Variants in EGFR observed in about 807,000 individuals in gnomAD.
EGFR encodes epidermal growth factor receptor.
A neutral mutation model predicts 143.0 loss-of-function variants in EGFR; 58 were observed. The ratio of observed to expected loss-of-function variants is 0.41; its 90% CI spans 0.33 to 0.50. EGFR has a LOEUF of 0.50. EGFR is among the 20% of genes least tolerant of loss of function. The pLI, the probability that EGFR is intolerant of heterozygous loss-of-function variation, is 0.39. For synonymous variants in EGFR, 613 were observed against 594.4 expected (o/e 1.03, Z -0.45); for missense variants, 1,307 against 1,579.0 (o/e 0.83, Z 2.92).
rs549535664 is a variant in EGFR, at chr7:55,057,999, G to GT, written c.88+38635dup. The stretch of plus-strand genomic sequence containing the variant: ...CCGAAACAAGAGCTGCTTTAATGTA[G>GT]TATATTTAAAATCATATCTCAATTA... On this transcript the variant is annotated intron_variant, in intron 1 of 27. Transcript: ENST00000275493. Among the ~76,000 whole-genome samples the GT allele has an allele frequency of 3.2e-3, 495 of 152,326 alleles. 3 individuals carry two copies. The highest frequency in any genetic ancestry group is 0.011 in the African/African-American group (469 of 41,560).
chr7:55,157,016 G>C lies in EGFR; in HGVS notation c.1207+184G>C. On this transcript the variant is annotated intron_variant, in intron 10 of 27. Transcript: ENST00000275493. The stretch of plus-strand genomic sequence containing the variant: ...CTGCAGGCAAAAGGGGACACGTTAA[G>C]TCCAGGCTTGGGTCATTCACTGCGG... 3 of 1,427,092 alleles carry C rather than the reference G, an allele frequency of 2.1e-6. No individual in the cohort carries two copies. The South Asian group carries it at 4.2e-5, about 20-fold the overall frequency. 88.4% of individuals were successfully genotyped at this position (1,427,092 alleles called of 1,614,324 possible).
At chr7:55,149,235 G>A (rs1794911357) in intron 4 of EGFR, among the ~76,000 whole-genome samples, 1 of 152,030 alleles carries the variant, frequency 6.6e-6, no homozygotes, top group African/African-American at 2.4e-5. Context: ...CATGAAGAGG[G>A]TTAATATCCT....
At chr7:55,172,828 T>C (rs1189024214) in intron 16 of EGFR, 155 bp from the exon 17 acceptor site, 1 of 1,560,710 alleles carries the variant, frequency 6.4e-7, no homozygotes, top group Non-Finnish European at 8.6e-7. Flanking sequence ...CTTAGAAGCC[T>C]GTTTTTTCTC....
intron 1 of EGFR, among the ~76,000 whole-genome samples, chr7:55,103,279 A>C (rs1024761051): frequency 3.9e-5 from 6 of 152,168 alleles, no homozygotes; most frequent in African/African-American, 1.4e-4. Flanking sequence ...TCTCTGAGCA[A>C]ATCTGAATTG....
intron 1 of EGFR, among the ~76,000 whole-genome samples, chr7:55,087,791 G>A (rs1320266671): frequency 6.6e-6 from 1 of 152,162 alleles, no homozygotes; most frequent in Non-Finnish European, 1.5e-5. Flanking sequence ...AGGCCTACAG[G>A]AACCTGAGCA....
intron 1 of EGFR, among the ~76,000 whole-genome samples, chr7:55,095,249 G>T (rs543908577): frequency 6.6e-6 from 1 of 152,182 alleles, no homozygotes; most frequent in African/African-American, 2.4e-5. Flanking sequence ...TCCACCATGT[G>T]ACATTCAAAA....
At chr7:55,198,292 A>G (rs897017566) in intron 22 of EGFR, among the ~76,000 whole-genome samples, 6 of 152,200 alleles carry the variant, frequency 3.9e-5, no homozygotes. Flanking sequence ...TGTGCAGTTT[A>G]CAGCCCTGTT....
chr7:55,020,167 C>T (rs1044298579), intron 1 of EGFR, among the ~76,000 whole-genome samples: 1 of 152,242 alleles, frequency 6.6e-6, no homozygotes, highest in Non-Finnish European at 1.5e-5. Flanking sequence ...ACCCCGGCCG[C>T]TCGCCTCGCC....
chr7:55,116,395 G>A (rs1792845346), intron 1 of EGFR, among the ~76,000 whole-genome samples: 1 of 152,172 alleles, frequency 6.6e-6, no homozygotes, highest in African/African-American at 2.4e-5. Flanking sequence ...ACTCCTAAGA[G>A]CCTCACCACA....
In EGFR at chr7:55,181,417, G is replaced by A. The variant is rs1263602634; in HGVS notation, c.2408G>A (p.Arg803Gln). The A allele has an allele frequency of 6.8e-6, 11 of 1,614,094 alleles. No individual in the cohort carries two copies. The highest frequency in any genetic ancestry group is 9.3e-6 in the Non-Finnish European group (11 of 1,180,038). ...TTCGGCTGCCTCCTGGACTATGTCC[G>A]GGAACACAAAGACAATATTGGCTCC... Reference protein sequence around the residue: ...MPFGCLLDYVREHKDNIGSQY... With the variant: ...MPFGCLLDYVQEHKDNIGSQY... Residue 803 changes from arginine (R) to glutamine (Q), a missense_variant, in exon 20 of 28, where the codon CGG becomes CAG. Physicochemically the swap from Arg to Gln is conservative, Grantham distance 43. This residue lies in a region of EGFR where 348 missense variants were observed against 451.5 expected (regional missense o/e 0.77). Coordinates refer to ENST00000275493, the MANE Select transcript of EGFR (RefSeq NM_005228.5).
intron 1 of EGFR, among the ~76,000 whole-genome samples, chr7:55,046,454 T>C (rs1038441176): frequency 1.3e-5 from 2 of 152,198 alleles, no homozygotes; most frequent in African/African-American, 4.8e-5. Flanking sequence ...GAAGTGTCAC[T>C]GACCTTGTGT....
chr7:55,111,045 G>A (rs1445891746), intron 1 of EGFR, among the ~76,000 whole-genome samples: 1 of 152,146 alleles, frequency 6.6e-6, no homozygotes, highest in African/African-American at 2.4e-5. Flanking sequence ...TTATATCCCA[G>A]GAACTGATTC....
In EGFR at chr7:55,204,477, C is replaced by A. The variant is rs190651463; in HGVS notation, c.3272-779C>A. ...CACACAACACACACAAATACACACA[C>A]CACACACACACCACAAAAACCCCAC... On this transcript the variant is annotated intron_variant, in intron 27 of 27. Coordinates refer to ENST00000275493, the MANE Select transcript of EGFR (RefSeq NM_005228.5). Among the ~76,000 whole-genome samples, 4 of 148,326 alleles carry A rather than the reference C, an allele frequency of 2.7e-5. No individual in the cohort carries two copies. In the East Asian group the frequency reaches 8.1e-4, roughly 30 times the overall value.
At chr7:55,051,961 A>G (rs1482575300) in intron 1 of EGFR, among the ~76,000 whole-genome samples, 1 of 152,178 alleles carries the variant, frequency 6.6e-6, no homozygotes, top group Non-Finnish European at 1.5e-5. Flanking sequence ...CTCTCCAGCT[A>G]GACTATCAAC....
chr7:55,059,999 G>A (rs915708797), intron 1 of EGFR, among the ~76,000 whole-genome samples: 1 of 152,200 alleles, frequency 6.6e-6, no homozygotes. Context: ...CTCTCAGTGT[G>A]GACTGGGCCT....
chr7:55,058,161 C>T (rs955546438), intron 1 of EGFR, among the ~76,000 whole-genome samples: 2 of 152,222 alleles, frequency 1.3e-5, no homozygotes, highest in Non-Finnish European at 1.5e-5. Context: ...TTTGGGAGGC[C>T]GAGGCGGGTG....
intron 1 of EGFR, among the ~76,000 whole-genome samples, chr7:55,122,600 C>A (rs1030154833): frequency 8.5e-5 from 13 of 152,246 alleles, no homozygotes; most frequent in African/African-American, 2.9e-4. Flanking sequence ...GCTGACTCCT[C>A]CTGCTGCCTC....
At chr7:55,149,155 T>A (rs1469973130) in intron 4 of EGFR, among the ~76,000 whole-genome samples, 1 of 152,098 alleles carries the variant, frequency 6.6e-6, no homozygotes, top group African/African-American at 2.4e-5. Context: ...AAATCTGACA[T>A]CATAAAAGAA....
intron 1 of EGFR, among the ~76,000 whole-genome samples, chr7:55,095,498 G>T (rs549658436): frequency 6.6e-6 from 1 of 152,236 alleles, no homozygotes; most frequent in Non-Finnish European, 1.5e-5. Context: ...TCAACACACA[G>T]CTCCCTGCCC....
Sources: allele counts gnomAD v4.1 joint callset (sites outside exome capture counted in the v4.1 genomes callset), GRCh38; gene constraint gnomAD v4.1.1; regional missense constraint gnomAD v4.1.1; transcripts MANE v1.5; gene names NCBI Gene and HGNC (gene_info 2026-07-23, HGNC 2026-07-21).